Variants in MRPL24 observed in about 807,000 individuals in gnomAD.
MRPL24 encodes the protein mitochondrial ribosomal protein L24.
MRPL24 carries 15 observed loss-of-function variants against 26.9 expected under a neutral mutation model. That is an observed-to-expected ratio of 0.56 (90% CI 0.37 to 0.86). The LOEUF (loss-of-function observed/expected upper bound fraction) is 0.86. Ranked by LOEUF, MRPL24 falls within the 40% of genes least tolerant of loss-of-function variation. The pLI, the probability that MRPL24 is intolerant of heterozygous loss-of-function variation, is 0.00. For missense variants in MRPL24, 241 were observed against 281.4 expected (o/e 0.86, Z 1.03); for synonymous variants, 92 against 102.4 (o/e 0.90, Z 0.62).
chr1:156,738,419 T>G lies in MRPL24; in HGVS notation c.203A>C (p.Lys68Thr). 6.2e-7 allele frequency: 1 copy of G among 1,613,956 alleles called. No individual in the cohort carries two copies. Among genetic ancestry groups the G allele is most frequent in the Non-Finnish European group, 8.5e-7 (1 of 1,179,896 alleles). ...CGDTVEILEG[K>T]DAGKQGKVVQ... The stretch of plus-strand genomic sequence containing the variant: ...CACTTTGCCCTGCTTCCCGGCATCC[T>G]TGCCTTCTAGGATCTCCACCTGTGG... The change falls in exon 3 of 6, where the codon AAG becomes ACG. Residue 68 changes from lysine to threonine, a missense_variant. Transcript: ENST00000361531.
rs765963147 is a variant in MRPL24, at chr1:156,737,580, TTTCA to T, written c.515-50_515-47del. The T allele has an allele frequency of 4.9e-5, 78 of 1,605,046 alleles. No individual in the cohort carries two copies. The African/African-American group carries it at 1.0e-3, about 21-fold the overall frequency. The stretch of plus-strand genomic sequence containing the variant: ...TAGATGGGTGGGAGGGCTTGCCAAC[TTTCA>T]TTAATGTCCCCTACTCTCACTCCTA... On this transcript the variant is annotated intron_variant, in intron 5 of 5. Transcript: ENST00000361531.
chr1:156,738,765 C>T lies in MRPL24; in HGVS notation c.-60-1G>A. ...ACGCTCGAAACCTTCCTTGTCAGCT[C>T]TGGGCAGATGGATAGAAACGGGAAC... On this transcript the variant is annotated splice_acceptor_variant, in intron 1 of 5. Transcript: ENST00000361531. LOFTEE classifies it low-confidence loss of function (5UTR_SPLICE). 1 of 1,483,256 alleles carries T rather than the reference C, an allele frequency of 6.7e-7. No homozygotes were observed. Among genetic ancestry groups the T allele is most frequent in the Non-Finnish European group, 9.1e-7 (1 of 1,101,314 alleles). 91.9% of individuals were successfully genotyped at this position (1,483,256 alleles called of 1,614,324 possible). A position where few individuals can be genotyped will look rare whatever the true frequency, so the allele number is the denominator to read the frequency against.
At chr1:156,741,767 C>T (rs899075274), upstream of MRPL24, among the ~76,000 whole-genome samples, 2 of 152,198 alleles carry the variant, frequency 1.3e-5, no homozygotes, top group Non-Finnish European at 2.9e-5. Flanking sequence ...ACTTTGGGGT[C>T]AAATTGTTTA....
chr1:156,738,874 TATC>T (rs1400187611), intron 1 of MRPL24, 110 bp from the exon 2 acceptor site: 1 of 583,974 alleles, frequency 1.7e-6, no homozygotes, highest in African/African-American at 1.9e-5. Context: ...CACAAGAGGT[TATC>T]ATCTTTATAG....
rs769165737 is a variant in MRPL24, at chr1:156,738,393, C to T, written c.229G>A (p.Val77Ile). 6.2e-7 allele frequency: 1 copy of T among 1,614,164 alleles called. No individual in the cohort carries two copies. The highest frequency in any genetic ancestry group is 8.5e-7 in the Non-Finnish European group (1 of 1,180,022). Residue 77 changes from valine (V) to isoleucine (I), a missense_variant, in exon 3 of 6, where the codon GTT becomes ATT. Transcript: ENST00000361531. ...CAGTTTCGCTGCCGGATAACTTGAA[C>T]CACTTTGCCCTGCTTCCCGGCATCC... ...GKDAGKQGKVVQVIRQRNWVV... is the reference protein window; with the variant it reads ...GKDAGKQGKVIQVIRQRNWVV...
At chr1:156,738,286 G>A in intron 3 of MRPL24, 57 bp downstream of exon 3, 1 of 1,570,510 alleles carries the variant, frequency 6.4e-7, no homozygotes, top group Non-Finnish European at 8.8e-7. Context: ...TGCTCTGAAT[G>A]GAGAGGGACA....
At chr1:156,741,440 G>C (rs1367535815), upstream of MRPL24, 2 of 152,248 alleles carry the variant, frequency 1.3e-5, no homozygotes, top group African/African-American at 4.8e-5. Context: ...GCCCTTTCCA[G>C]ACAGGGCTAC....
intron 3 of MRPL24, 62 bp downstream of exon 3, chr1:156,738,281 T>C: frequency 6.4e-7 from 1 of 1,568,944 alleles, no homozygotes; most frequent in Non-Finnish European, 8.8e-7. Context: ...TGTGCTGCTC[T>C]GAATGGAGAG....
intron 1 of MRPL24, among the ~76,000 whole-genome samples, chr1:156,739,917 T>C (rs1007268498): frequency 1.3e-5 from 2 of 152,156 alleles, no homozygotes; most frequent in African/African-American, 2.4e-5. Flanking sequence ...TCCATCTGCC[T>C]TGGCCTCCCA....
upstream of MRPL24, chr1:156,742,312 G>T (rs189681903): frequency 2.0e-5 from 3 of 152,586 alleles, no homozygotes; most frequent in African/African-American, 7.2e-5. Flanking sequence ...CCTCTCAGTG[G>T]GTTACAAATC....
rs763125137 is a variant in MRPL24 at position 156,737,732 on chromosome 1, C to T, written c.428G>A (p.Arg143Gln). 97 of 1,614,040 alleles carry T rather than the reference C, an allele frequency of 6.0e-5. No homozygotes were observed. Among genetic ancestry groups the T allele is most frequent in the Non-Finnish European group, 7.5e-5 (88 of 1,180,032 alleles). The change falls in exon 5 of 6, where the codon CGG (arginine) becomes CAG (glutamine). Residue 143 changes from arginine (R) to glutamine (Q), a missense_variant. By Grantham distance (43) the Arg-to-Gln change is conservative. Coordinates refer to ENST00000361531, the MANE Select transcript of MRPL24 (RefSeq NM_145729.3). ...IEWRFTEAGE[R>Q]VRVSTRSGRI... ...CCCTGATCGTGTGGAGACTCGTACC[C>T]GCTCTCCTGCTTCAGTAAATCTCCA...
chr1:156,742,013 A>C (rs1056521344), upstream of MRPL24: 1 of 152,638 alleles, frequency 6.6e-6, no homozygotes, highest in Non-Finnish European at 1.5e-5. Context: ...CCTCTACCTA[A>C]ATCTGAGATG....
Position 156,738,504 on chromosome 1 carries a change from C to A in MRPL24, c.183+18G>T, listed in dbSNP as rs537029531. 6.2e-7 allele frequency: 1 copy of A among 1,614,088 alleles called. No individual in the cohort carries two copies. The highest frequency in any genetic ancestry group is 8.5e-7 in the Non-Finnish European group (1 of 1,179,946). ...CAGGAGGTTCCCCATCACTCTACCC[C>A]CTGTATGAGGCTCTCACCGTGTCCC... On this transcript the variant is annotated intron_variant, in intron 2 of 5. Coordinates refer to ENST00000361531, the MANE Select transcript of MRPL24 (RefSeq NM_145729.3).
At chr1:156,738,299 T>G in intron 3 of MRPL24, 44 bp downstream of exon 3, 1 of 1,589,978 alleles carries the variant, frequency 6.3e-7, no homozygotes, top group South Asian at 1.1e-5. Context: ...GAGGGACAGA[T>G]GAGACAGGCT....
In MRPL24 at chr1:156,738,701, G is replaced by A. The variant is rs779820953; in HGVS notation, c.4C>T (p.Arg2Cys). The change falls in exon 2 of 6, where the codon CGT becomes TGT. Residue 2 changes from arginine (R) to cysteine (C), a missense_variant. Physicochemically the swap from Arg to Cys is radical, Grantham distance 180. Transcript: ENST00000361531. Reference sequence around the variant, plus strand: ...GCCAAGGCCAGCAGGGCAGAAAGACGCATGCCTGGAGGTTGTAAGAAATCC... The same window carrying A: ...GCCAAGGCCAGCAGGGCAGAAAGACACATGCCTGGAGGTTGTAAGAAATCC... M[R>C]LSALLALASK... 9.5e-6 allele frequency: 15 copies of A among 1,584,076 alleles called. No homozygotes were observed. Among genetic ancestry groups the A allele is most frequent in the South Asian group, 6.9e-5 (6 of 86,406 alleles).
chr1:156,737,365 CAG>C lies in MRPL24; in HGVS notation c.*31_*32del, dbSNP rs1571527501. On this transcript the variant is annotated 3_prime_UTR_variant, in exon 6 of 6. Coordinates refer to ENST00000361531, the MANE Select transcript of MRPL24 (RefSeq NM_145729.3). ...AGTGCCTCAGCCTTCAAGGCTGGGA[CAG>C]AAGTTGGGGAGGAGCTGCTCTGCCC... 1 of 1,534,974 alleles carries C rather than the reference CAG, an allele frequency of 6.5e-7. No individual in the cohort carries two copies. The highest frequency in any genetic ancestry group is 2.3e-5 in the East Asian group (1 of 44,314).
Position 156,737,315 on chromosome 1 carries a change from G to A in MRPL24, c.*83C>T. Reference sequence around the variant, plus strand: ...CTGTACACAGGAGGACTCATAAAGTGCTCTTTATTGGCATCTGAAAAAGAA... The same window carrying A: ...CTGTACACAGGAGGACTCATAAAGTACTCTTTATTGGCATCTGAAAAAGAA... On this transcript the variant is annotated 3_prime_UTR_variant, in exon 6 of 6. Transcript: ENST00000361531. 6.9e-7 allele frequency: 1 copy of A among 1,439,208 alleles called. No individual in the cohort carries two copies. The highest frequency in any genetic ancestry group is 9.4e-7 in the Non-Finnish European group (1 of 1,067,650). 89.2% of individuals were successfully genotyped at this position (1,439,208 alleles called of 1,614,324 possible).
Position 156,737,750 on chromosome 1 carries a change from A to G in MRPL24, c.410T>C (p.Phe137Ser). Residue 137 changes from phenylalanine to serine, a missense_variant, in exon 5 of 6, where the codon TTT becomes TCT. By Grantham distance (155) the Phe-to-Ser change is radical. Coordinates refer to ENST00000361531, the MANE Select transcript of MRPL24 (RefSeq NM_145729.3). ...TCGTACCCGCTCTCCTGCTTCAGTA[A>G]ATCTCCACTCGATCTCAGTGGGTTT... The part of the protein sequence containing the change: ...DRKPTEIEWR[F>S]TEAGERVRVS... 1.2e-6 allele frequency: 2 copies of G among 1,614,022 alleles called. No individual in the cohort carries two copies. Among genetic ancestry groups the G allele is most frequent in the Non-Finnish European group, 1.7e-6 (2 of 1,180,008 alleles).
intron 3 of MRPL24, 66 bp downstream of exon 3, chr1:156,738,277 G>T: frequency 6.4e-7 from 1 of 1,556,954 alleles, no homozygotes; most frequent in Non-Finnish European, 8.9e-7. Flanking sequence ...ACCCTGTGCT[G>T]CTCTGAATGG....
Sources: allele counts gnomAD v4.1 joint callset (sites outside exome capture counted in the v4.1 genomes callset), GRCh38; gene constraint gnomAD v4.1.1; transcripts MANE v1.5; gene names NCBI Gene and HGNC (gene_info 2026-07-23, HGNC 2026-07-21).